NOTO: variants seen among roughly 807,000 people sequenced by gnomAD.
NOTO encodes the protein notochord homeobox.
In NOTO, 19 loss-of-function variants were observed where a neutral mutation model predicts 20.5. The ratio of observed to expected loss-of-function variants is 0.93; its 90% CI spans 0.65 to 1.36. NOTO has a LOEUF of 1.36. Ranked by LOEUF, NOTO falls within the 40% of genes most tolerant of loss-of-function variation. NOTO has a pLI of 0.00. For missense variants in NOTO, 369 were observed against 336.2 expected, an observed-to-expected ratio of 1.10 and a Z score of -0.76; for synonymous variants, 150 against 150.2, an observed-to-expected ratio of 1.00 and a Z score of 0.01.
chr2:73,207,665 C>G (rs925026731), intron 1 of NOTO, among the ~76,000 whole-genome samples: 7 of 152,134 alleles, frequency 4.6e-5, no homozygotes, highest in African/African-American at 1.7e-4. Context: ...AGCAGTTCTC[C>G]TGCCTCAGCC....
chr2:73,211,008 C>A lies in NOTO; in HGVS notation c.*79C>A, dbSNP rs1686172501. On this transcript the variant is annotated 3_prime_UTR_variant, in exon 3 of 3. Coordinates refer to ENST00000398468, the MANE Select transcript of NOTO (RefSeq NM_001134462.2). ...ACCCACTGGAGCTCCCTGCCTCACA[C>A]CTCAACGAAAAGCCTCCTCAACCAG... 1 of 1,238,718 alleles carries A rather than the reference C, an allele frequency of 8.1e-7. No homozygotes were observed. Among genetic ancestry groups the A allele is most frequent in the Non-Finnish European group, 1.1e-6 (1 of 902,882 alleles). 76.7% of individuals were successfully genotyped at this position (1,238,718 alleles called of 1,614,324 possible). A position where few individuals can be genotyped will look rare whatever the true frequency, so the allele number is the denominator to read the frequency against.
intron 2 of NOTO, 59 bp downstream of exon 2, chr2:73,208,673 C>T (rs373944536): frequency 8.0e-6 from 9 of 1,118,964 alleles, no homozygotes; most frequent in East Asian, 5.1e-5. Flanking sequence ...ACTACCTCAG[C>T]AAGGCCCTAA....
At chr2:73,207,251 T>C (rs1016788958) in intron 1 of NOTO, among the ~76,000 whole-genome samples, 4 of 152,138 alleles carry the variant, frequency 2.6e-5, no homozygotes, top group African/African-American at 9.7e-5. Context: ...AGTGTAAGCC[T>C]AGTGGGCCCA....
chr2:73,203,519 G>T (rs1201771249), intron 1 of NOTO, among the ~76,000 whole-genome samples: 1 of 152,016 alleles, frequency 6.6e-6, no homozygotes, highest in African/African-American at 2.4e-5. Flanking sequence ...GCTGTTGAGC[G>T]AGGAGCTGTT....
intron 1 of NOTO, among the ~76,000 whole-genome samples, chr2:73,207,702 G>GCC (rs1558547793): frequency 6.6e-6 from 1 of 151,926 alleles, no homozygotes; most frequent in Non-Finnish European, 1.5e-5. Flanking sequence ...TTACAGGCAT[G>GCC]TGCCACCATG....
Position 73,212,179 on chromosome 2 carries a change from C to T in NOTO, c.*1250C>T, listed in dbSNP as rs1169257696. 2 of 152,366 alleles carry T rather than the reference C, an allele frequency of 1.3e-5. No homozygotes were observed. Among genetic ancestry groups the T allele is most frequent in the East Asian group, 3.8e-4 (2 of 5,196 alleles). The allele number at this position is 152,366 out of a possible 1,614,324, so 9.4% of individuals were successfully genotyped here. On this transcript the variant is annotated 3_prime_UTR_variant, in exon 3 of 3. Coordinates refer to ENST00000398468, the MANE Select transcript of NOTO (RefSeq NM_001134462.2). ...CCAGCAGCAAAGACAAGGACTCGCTCTGTCACCCAGACTGGAGTGCAGTGG... is the reference window on the plus strand; with the variant it reads ...CCAGCAGCAAAGACAAGGACTCGCTTTGTCACCCAGACTGGAGTGCAGTGG...
chr2:73,206,133 A>G (rs1321835614), intron 1 of NOTO, among the ~76,000 whole-genome samples: 1 of 152,188 alleles, frequency 6.6e-6, no homozygotes, highest in Non-Finnish European at 1.5e-5. Context: ...TTACCTTTTT[A>G]CATTTAAATA....
chr2:73,203,330 C>T (rs1686033599), intron 1 of NOTO, among the ~76,000 whole-genome samples: 1 of 152,192 alleles, frequency 6.6e-6, no homozygotes, highest in African/African-American at 2.4e-5. Flanking sequence ...GGCAGGAGGC[C>T]AGCGCTGGGG....
intron 1 of NOTO, among the ~76,000 whole-genome samples, chr2:73,204,899 T>TTTTTG (rs1686068876): frequency 7.7e-6 from 1 of 130,408 alleles, no homozygotes; most frequent in African/African-American, 3.1e-5. Flanking sequence ...TTTTTTTTTT[T>TTTTTG]GAGGCGGAGT....
chr2:73,203,990 A>G (rs1409491160), intron 1 of NOTO, among the ~76,000 whole-genome samples: 2 of 129,036 alleles, frequency 1.5e-5, no homozygotes, highest in East Asian at 3.9e-4. Flanking sequence ...TCCCAGCTAC[A>G]CAGGAGGCTG....
rs1481607457 is a variant in NOTO, at chr2:73,203,380, C to T, written c.382+332C>T. 2.6e-5 allele frequency among the ~76,000 whole-genome samples: 4 copies of T among 152,104 alleles called. No individual in the cohort carries two copies. In the East Asian group the frequency reaches 7.7e-4, roughly 29 times the overall value. ...AGCCCTGCTCCCGGTCTCCGCGTCC[C>T]TTGACTCCCTCGCACACCCCGGGGT... On this transcript the variant is annotated intron_variant, in intron 1 of 2. Coordinates refer to ENST00000398468, the MANE Select transcript of NOTO (RefSeq NM_001134462.2).
chr2:73,203,454 A>C (rs1686035671), intron 1 of NOTO, among the ~76,000 whole-genome samples: 1 of 142,500 alleles, frequency 7.0e-6, no homozygotes, highest in Non-Finnish European at 1.5e-5. Context: ...GACCCGAACC[A>C]ATGGCCCTGT....
rs988784361 is a variant in NOTO at position 73,202,649 on chromosome 2, C to T, written c.-18C>T. 7.0e-7 allele frequency: 1 copy of T among 1,434,930 alleles called. No individual in the cohort carries two copies. Among genetic ancestry groups the T allele is most frequent in the African/African-American group, 1.5e-5 (1 of 66,520 alleles). 88.9% of individuals were successfully genotyped at this position (1,434,930 alleles called of 1,614,324 possible). A position where few individuals can be genotyped will look rare whatever the true frequency, so the allele number is the denominator to read the frequency against. On this transcript the variant is annotated 5_prime_UTR_variant, in exon 1 of 3. Coordinates refer to ENST00000398468, the MANE Select transcript of NOTO (RefSeq NM_001134462.2). ...CCCGAGCTCCCTTCCTTGCGTCCGT[C>T]CGGGCAACGGCCGCGTCATGCCTAG...
Position 73,210,993 on chromosome 2 carries a change from G to T in NOTO, c.*64G>T. 4.3e-6 allele frequency: 6 copies of T among 1,383,358 alleles called. 2 individuals are homozygous for T. The South Asian group carries it at 8.4e-5, about 19-fold the overall frequency. The allele number at this position is 1,383,358 out of a possible 1,614,324, so 85.7% of individuals were successfully genotyped here. On this transcript the variant is annotated 3_prime_UTR_variant, in exon 3 of 3. Transcript: ENST00000398468. ...GTTCCTCCTGGGGGTACCCACTGGA[G>T]CTCCCTGCCTCACACCTCAACGAAA...
chr2:73,203,878 A>T (rs1423550672), intron 1 of NOTO, among the ~76,000 whole-genome samples: 1 of 137,126 alleles, frequency 7.3e-6, no homozygotes, highest in Admixed American at 6.9e-5. Flanking sequence ...AGACGGGCGG[A>T]TCACGAGGTC....
chr2:73,205,549 T>C (rs1025380618), intron 1 of NOTO, among the ~76,000 whole-genome samples: 5 of 152,240 alleles, frequency 3.3e-5, no homozygotes, highest in Non-Finnish European at 5.9e-5. Context: ...TACAAATGTT[T>C]TTCTGTGTAT....
In NOTO at chr2:73,211,300, GAGA is replaced by G. The variant is rs1298128863; in HGVS notation, c.*375_*377del. On this transcript the variant is annotated 3_prime_UTR_variant, in exon 3 of 3. Transcript: ENST00000398468. ...GTTAAGGCTTGTAGGCCCCTGAGTA[GAGA>G]AGACCAACTGGAAAAAAAAAAGTTT... 4.1e-5 allele frequency: 7 copies of G among 168,822 alleles called. No homozygotes were observed. Among genetic ancestry groups the G allele is most frequent in the African/African-American group, 1.8e-4 (7 of 38,760 alleles). The allele number at this position is 168,822 out of a possible 1,614,324, so 10.5% of individuals were successfully genotyped here.
chr2:73,208,952 T>C (rs1166679672), intron 2 of NOTO, among the ~76,000 whole-genome samples: 4 of 152,006 alleles, frequency 2.6e-5, no homozygotes, highest in Admixed American at 2.6e-4. Flanking sequence ...TTTGGGAGGC[T>C]GAGGTGGGCA....
chr2:73,202,761 C>T lies in NOTO; in HGVS notation c.95C>T (p.Ser32Phe). 1 of 1,521,122 alleles carries T rather than the reference C, an allele frequency of 6.6e-7. No individual in the cohort carries two copies. Among genetic ancestry groups the T allele is most frequent in the Non-Finnish European group, 8.8e-7 (1 of 1,140,326 alleles). 94.2% of individuals were successfully genotyped at this position (1,521,122 alleles called of 1,614,324 possible). The change falls in exon 1 of 3, where the codon TCC becomes TTC. Residue 32 changes from serine to phenylalanine, a missense_variant. By Grantham distance (155) the Ser-to-Phe change is radical (BLOSUM62 -2). Transcript: ENST00000398468. The stretch of plus-strand genomic sequence containing the variant: ...TCTGGCCGCTCTCCGGCGCCCAGGT[C>T]CCCTACTGGCCCGAACACGCCCCGC... ...PRSGRSPAPR[S>F]PTGPNTPRAP...
Sources: allele counts gnomAD v4.1 joint callset (sites outside exome capture counted in the v4.1 genomes callset), GRCh38; gene constraint gnomAD v4.1.1; transcripts MANE v1.5; gene names NCBI Gene and HGNC (gene_info 2026-07-23, HGNC 2026-07-21).